SLC8A3: variants seen among roughly 807,000 people sequenced by gnomAD.
SLC8A3 encodes the protein solute carrier family 8 member A3.
A neutral mutation model predicts 65.4 loss-of-function variants in SLC8A3; 37 were observed. That is an observed-to-expected ratio of 0.57 (90% CI 0.44 to 0.74). SLC8A3 has a LOEUF of 0.74. Among genes scored for constraint, SLC8A3 ranks in the 30% least tolerant of loss-of-function variants. The pLI is 0.00. For synonymous variants in SLC8A3, 461 were observed against 444.5 expected (o/e 1.04, Z -0.47); for missense variants, 1,112 against 1,172.1 (o/e 0.95, Z 0.75).
At chr14:70,172,218 A>G (rs762824044) in intron 1 of SLC8A3, among the ~76,000 whole-genome samples, 1 of 152,160 alleles carries the variant, frequency 6.6e-6, no homozygotes, top group Non-Finnish European at 1.5e-5. Context: ...ACAAGTGTTT[A>G]TTATTTGCAT....
At chr14:70,095,068 G>A (rs1892072532) in intron 2 of SLC8A3, among the ~76,000 whole-genome samples, 1 of 152,182 alleles carries the variant, frequency 6.6e-6, no homozygotes, top group African/African-American at 2.4e-5. Flanking sequence ...GGATCTGCAA[G>A]CGCTCACCTC....
At chr14:70,161,252 G>A (rs1313758145) in intron 2 of SLC8A3, among the ~76,000 whole-genome samples, 7 of 110,832 alleles carry the variant, frequency 6.3e-5, no homozygotes, top group Non-Finnish European at 9.9e-5. Context: ...ATGTGCCACT[G>A]CACTCCAGCC....
intron 2 of SLC8A3, among the ~76,000 whole-genome samples, chr14:70,116,559 T>C (rs145940511): frequency 1.8e-4 from 28 of 152,282 alleles, no homozygotes; most frequent in Admixed American, 7.2e-4. Flanking sequence ...CACTTCATCA[T>C]TGGTTCTCAG....
chr14:70,048,037 C>A (rs1380814684), intron 6 of SLC8A3: 2 of 152,638 alleles, frequency 1.3e-5, no homozygotes, highest in Non-Finnish European at 2.9e-5. Context: ...GTCCCAAAAA[C>A]TAGCACAATA....
intron 2 of SLC8A3, among the ~76,000 whole-genome samples, chr14:70,085,366 T>C (rs1566768545): frequency 6.6e-6 from 1 of 152,238 alleles, no homozygotes; most frequent in African/African-American, 2.4e-5. Context: ...TTTCCTTCTA[T>C]GCATTCTCCT....
chr14:70,069,190 A>G (rs1889765390), intron 2 of SLC8A3, among the ~76,000 whole-genome samples: 1 of 152,204 alleles, frequency 6.6e-6, no homozygotes, highest in African/African-American at 2.4e-5. Flanking sequence ...GTCATTCCCA[A>G]GCTGCAGCCA....
intron 2 of SLC8A3, among the ~76,000 whole-genome samples, chr14:70,069,493 G>A (rs1889801511): frequency 6.6e-6 from 1 of 152,228 alleles, no homozygotes; most frequent in African/African-American, 2.4e-5. Context: ...ACCTGGGGCA[G>A]CTGGACCGAG....
intron 2 of SLC8A3, among the ~76,000 whole-genome samples, chr14:70,152,897 TC>T (rs1287011835): frequency 1.3e-5 from 2 of 152,168 alleles, no homozygotes; most frequent in African/African-American, 4.8e-5. Flanking sequence ...AATTACATGC[TC>T]CCTGGAGAGA....
At chr14:70,057,376 G>T (rs569083282) in intron 3 of SLC8A3, among the ~76,000 whole-genome samples, 257 of 152,266 alleles carry the variant, frequency 1.7e-3, no homozygotes, top group Non-Finnish European at 2.8e-3. Context: ...GGGAGTTTGC[G>T]TGGAAGAGCT....
At chr14:70,129,903 C>T (rs948360533) in intron 2 of SLC8A3, among the ~76,000 whole-genome samples, 8 of 152,224 alleles carry the variant, frequency 5.3e-5, no homozygotes, top group Non-Finnish European at 1.0e-4. Flanking sequence ...GCATCTTCTA[C>T]GTACCTGCCA....
chr14:70,167,959 A>C lies in SLC8A3; in HGVS notation c.464T>G (p.Val155Gly), dbSNP rs1277483488. 1 of 1,614,002 alleles carries C rather than the reference A, an allele frequency of 6.2e-7. No individual in the cohort carries two copies. ...ACCAGCAATGAACCCATGACCACAC[A>C]CCTCAATTAAAGAGAGGAGTATCTC... ...APEILLSLIE[V>G]CGHGFIAGDL... Residue 155 changes from valine (V) to glycine (G), a missense_variant, in exon 2 of 7, where the codon GTG (valine) becomes GGG (glycine). Physicochemically the swap from Val to Gly is moderately radical, Grantham distance 109. Transcript: ENST00000356921.
chr14:70,146,463 C>G (rs57605884), intron 2 of SLC8A3, among the ~76,000 whole-genome samples: 9 of 152,020 alleles, frequency 5.9e-5, no homozygotes. Context: ...GGCTCTCTAA[C>G]GAAGCCCAGC....
At chr14:70,129,658 G>C (rs1456158321) in intron 2 of SLC8A3, among the ~76,000 whole-genome samples, 3 of 152,194 alleles carry the variant, frequency 2.0e-5, no homozygotes, top group Admixed American at 6.5e-5. Context: ...CACAGGCCAA[G>C]AGGGAGATAG....
intron 2 of SLC8A3, among the ~76,000 whole-genome samples, chr14:70,066,099 C>T (rs2139871674): frequency 1.3e-5 from 2 of 152,276 alleles, no homozygotes; most frequent in Middle Eastern, 3.4e-3. Flanking sequence ...GCAAGAGTAA[C>T]TTAGGTTAGC....
At chr14:70,107,750 C>A (rs1892974699) in intron 2 of SLC8A3, among the ~76,000 whole-genome samples, 1 of 152,092 alleles carries the variant, frequency 6.6e-6, no homozygotes, top group Non-Finnish European at 1.5e-5. Context: ...ATGACTCCAG[C>A]AGGAGCTCCC....
chr14:70,140,768 C>T (rs1210524409), intron 2 of SLC8A3, among the ~76,000 whole-genome samples: 1 of 152,210 alleles, frequency 6.6e-6, no homozygotes, highest in Non-Finnish European at 1.5e-5. Context: ...CTCCTTTGAC[C>T]TCCTATAGCA....
At chr14:70,087,130 T>G (rs1304203556) in intron 2 of SLC8A3, among the ~76,000 whole-genome samples, 1 of 152,246 alleles carries the variant, frequency 6.6e-6, no homozygotes, top group Non-Finnish European at 1.5e-5. Flanking sequence ...GTTTTAAAAT[T>G]GCTACAATTG....
intron 2 of SLC8A3, among the ~76,000 whole-genome samples, chr14:70,124,814 C>T (rs1377083541): frequency 2.0e-5 from 3 of 152,068 alleles, no homozygotes; most frequent in Non-Finnish European, 2.9e-5. Flanking sequence ...TGCCTAGAGC[C>T]GTGGGTTGAA....
intron 2 of SLC8A3, among the ~76,000 whole-genome samples, chr14:70,082,221 A>G (rs750471869): frequency 2.6e-5 from 4 of 152,144 alleles, no homozygotes; most frequent in South Asian, 2.1e-4. Flanking sequence ...AAATAGTCCA[A>G]TTAAATATCC....
Sources: allele counts gnomAD v4.1 joint callset (sites outside exome capture counted in the v4.1 genomes callset), GRCh38; gene constraint gnomAD v4.1.1; transcripts MANE v1.5; gene names NCBI Gene and HGNC (gene_info 2026-07-23, HGNC 2026-07-21).